Variants in NAV2 observed in about 807,000 individuals in gnomAD.
The protein encoded by NAV2 is helicase, APC down-regulated 1.
A neutral mutation model predicts 223.2 loss-of-function variants in NAV2; 54 were observed. That is an observed-to-expected ratio of 0.24 (90% CI 0.19 to 0.30). The LOEUF (loss-of-function observed/expected upper bound fraction) is 0.30. Ranked by LOEUF, NAV2 falls within the 10% of genes least tolerant of loss-of-function variation. The pLI is 1.00. For missense variants in NAV2, 2,806 were observed against 3,147.5 expected (o/e 0.89, Z 2.60); for synonymous variants, 1,279 against 1,239.3 (o/e 1.03, Z -0.67).
chr11:19,890,228 A>G (rs1193819111), intron 5 of NAV2, among the ~76,000 whole-genome samples: 1 of 152,164 alleles, frequency 6.6e-6, no homozygotes, highest in East Asian at 1.9e-4. Context: ...GACTGCTCCA[A>G]TGTCTTGTGT....
chr11:19,700,643 C>T (rs1394767277), intron 1 of NAV2, among the ~76,000 whole-genome samples: 4 of 152,186 alleles, frequency 2.6e-5, no homozygotes, highest in Non-Finnish European at 5.9e-5. Flanking sequence ...GACCTCCACC[C>T]GAAGCACACT....
chr11:19,374,976 C>A (rs1663181324), intron 1 of NAV2, among the ~76,000 whole-genome samples: 2 of 152,196 alleles, frequency 1.3e-5, no homozygotes. Context: ...TGATCGGATA[C>A]TGCCTCTGAC....
chr11:19,580,077 G>A (rs148072201), intron 1 of NAV2, among the ~76,000 whole-genome samples: 108 of 152,294 alleles, frequency 7.1e-4, no homozygotes, highest in African/African-American at 2.5e-3. Context: ...CTCTATGAAT[G>A]GGATATATTT....
intron 10 of NAV2, among the ~76,000 whole-genome samples, chr11:19,973,657 G>A (rs1484698128): frequency 2.0e-5 from 3 of 152,152 alleles, no homozygotes; most frequent in South Asian, 4.1e-4. Context: ...GAGCCACTGC[G>A]GAATTGGTTT....
intron 1 of NAV2, among the ~76,000 whole-genome samples, chr11:19,460,999 G>A (rs1489917401): frequency 6.6e-6 from 1 of 152,138 alleles, no homozygotes; most frequent in Non-Finnish European, 1.5e-5. Flanking sequence ...TTAAACTCAG[G>A]TCTGATTTTC....
chr11:19,966,154 C>A (rs895083210), intron 10 of NAV2, among the ~76,000 whole-genome samples: 1 of 152,162 alleles, frequency 6.6e-6, no homozygotes, highest in South Asian at 2.1e-4. Flanking sequence ...CAGTCACGAG[C>A]CCTCCAGATT....
chr11:19,937,368 A>T (rs2046000851), intron 7 of NAV2, among the ~76,000 whole-genome samples: 1 of 146,578 alleles, frequency 6.8e-6, no homozygotes, highest in Non-Finnish European at 1.5e-5. Flanking sequence ...CCGCCCACCA[A>T]AACCTCTCCA....
intron 1 of NAV2, among the ~76,000 whole-genome samples, chr11:19,551,479 C>T (rs2044688692): frequency 6.6e-6 from 1 of 152,172 alleles, no homozygotes; most frequent in Non-Finnish European, 1.5e-5. Flanking sequence ...CTGAGCCTGC[C>T]AGTGTGCCTG....
intron 1 of NAV2, among the ~76,000 whole-genome samples, chr11:19,428,868 C>T (rs939474147): frequency 6.6e-6 from 1 of 152,186 alleles, no homozygotes; most frequent in Admixed American, 6.5e-5. Flanking sequence ...TCATCCATAT[C>T]AGGAAAGCTG....
rs35264238 is a variant in NAV2 at position 19,762,611 on chromosome 11, CTTTTTTT to C, written c.267+48664_267+48670del. ...GCTGTTACTTCAGCAGAGAAGTCTTCTTTTTTTTTTTTTTTTTTTTTGAGATGACATC... is the reference window on the plus strand; with the variant it reads ...GCTGTTACTTCAGCAGAGAAGTCTTCTTTTTTTTTTTTTTGAGATGACATC... On this transcript the variant is annotated intron_variant, in intron 1 of 37. Transcript: ENST00000349880. Among the ~76,000 whole-genome samples, 3 of 109,546 alleles carry C rather than the reference CTTTTTTT, an allele frequency of 2.7e-5. No individual in the cohort carries two copies. The Admixed American group carries it at 2.9e-4, about 11-fold the overall frequency. The allele number at this position is 109,546 out of a possible 152,430, so 71.9% of individuals were successfully genotyped here.
At chr11:20,016,572 G>A (rs1044991847) in intron 11 of NAV2, among the ~76,000 whole-genome samples, 2 of 152,194 alleles carry the variant, frequency 1.3e-5, no homozygotes, top group African/African-American at 4.8e-5. Context: ...TTCTGTTTTT[G>A]TAATATAATT....
chr11:19,944,055 G>T (rs1441310989), intron 8 of NAV2, among the ~76,000 whole-genome samples: 1 of 152,024 alleles, frequency 6.6e-6, no homozygotes, highest in Admixed American at 6.6e-5. Context: ...AAAAAATTTA[G>T]CCGGGTGTGG....
At chr11:19,582,966 G>T (rs916317432) in intron 1 of NAV2, among the ~76,000 whole-genome samples, 1 of 152,130 alleles carries the variant, frequency 6.6e-6, no homozygotes, top group East Asian at 1.9e-4. Flanking sequence ...ATTACCTTAG[G>T]CAGTATGGCC....
At chr11:19,584,027 A>G (rs2045811796) in intron 1 of NAV2, among the ~76,000 whole-genome samples, 1 of 152,138 alleles carries the variant, frequency 6.6e-6, no homozygotes, top group Admixed American at 6.5e-5. Context: ...TTTGGTTGGT[A>G]AGCTAGTAAT....
At chr11:19,581,152 A>G (rs1003302111) in intron 1 of NAV2, among the ~76,000 whole-genome samples, 1 of 152,102 alleles carries the variant, frequency 6.6e-6, no homozygotes, top group Non-Finnish European at 1.5e-5. Flanking sequence ...AGTTCCTTAT[A>G]TTTTGTATAC....
chr11:19,894,506 G>T (rs572609315), intron 6 of NAV2, among the ~76,000 whole-genome samples: 3 of 152,310 alleles, frequency 2.0e-5, no homozygotes, highest in African/African-American at 7.2e-5. Context: ...AGTTCCTGGT[G>T]GATTTAACAG....
intron 1 of NAV2, among the ~76,000 whole-genome samples, chr11:19,371,491 G>A (rs998254744): frequency 1.6e-4 from 25 of 152,276 alleles, no homozygotes; most frequent in African/African-American, 6.0e-4. Context: ...AGTAGTTAAC[G>A]TTTATTGAGT....
In NAV2 at chr11:19,356,852, G is replaced by A. The variant is rs181426645; in HGVS notation, c.75+5825G>A. Among the ~76,000 whole-genome samples, 19 of 152,304 alleles carry A rather than the reference G, an allele frequency of 1.2e-4. No individual in the cohort carries two copies. The East Asian group carries it at 3.7e-3, about 29-fold the overall frequency. ...TTATTTTGGCTTAATTTTCAACAGTGAAGACAATTTGACATTTTTCTGGAC... is the reference window on the plus strand; with the variant it reads ...TTATTTTGGCTTAATTTTCAACAGTAAAGACAATTTGACATTTTTCTGGAC... On this transcript the variant is annotated intron_variant, in intron 1 of 37. Transcript: ENST00000360655.
intron 1 of NAV2, among the ~76,000 whole-genome samples, chr11:19,428,295 G>T (rs901400662): frequency 5.9e-5 from 9 of 152,178 alleles, no homozygotes; most frequent in African/African-American, 2.2e-4. Flanking sequence ...TTGTCTGTCA[G>T]TGTCTGTGGC....
Sources: gnomAD v4.1 joint callset for allele counts (sites outside exome capture counted in the v4.1 genomes callset) on GRCh38, gnomAD v4.1.1 for gene constraint, MANE v1.5 for transcripts, NCBI Gene and HGNC (gene_info 2026-07-23, HGNC 2026-07-21) for gene names.